SP110: variants seen among roughly 807,000 people sequenced by gnomAD.
The protein encoded by SP110 is interferon-induced protein 41, 30kD.
In SP110, 62 loss-of-function variants were observed where a neutral mutation model predicts 92.7. The observed-to-expected ratio is 0.67, with a 90% CI of 0.55 to 0.83. The LOEUF (loss-of-function observed/expected upper bound fraction) is 0.83, where lower values mean the gene tolerates loss of function less well. Ranked by LOEUF, SP110 falls within the 40% of genes least tolerant of loss-of-function variation. The pLI is 0.00. For synonymous variants in SP110, 273 were observed against 305.3 expected (o/e 0.89, Z 1.10); for missense variants, 793 against 863.9 (o/e 0.92, Z 1.03).
intron 15 of SP110, chr2:230,172,545 C>T (rs907561310): frequency 4.4e-5 from 23 of 524,792 alleles, no homozygotes; most frequent in East Asian, 1.0e-4. Flanking sequence ...TGTGACAAGC[C>T]GTGCTTCCTG....
chr2:230,196,947 G>A (rs981027761), intron 10 of SP110, among the ~76,000 whole-genome samples: 1 of 152,108 alleles, frequency 6.6e-6, no homozygotes, highest in Non-Finnish European at 1.5e-5. Context: ...TATCGTTGTT[G>A]GACATTTGGG....
At position 230,206,273 on chromosome 2, in the gene SP110, C is replaced by T. The variant is rs577632136; in HGVS notation, c.898+1718G>A. On this transcript the variant is annotated intron_variant, in intron 8 of 18. Coordinates refer to ENST00000258381, the MANE Select transcript of SP110 (RefSeq NM_080424.4). The stretch of plus-strand genomic sequence containing the variant: ...ACACAACTGGCTCCTGCCTCCATCA[C>T]CAAAATTTTTCTTAAATTTTCCAGT... Among the ~76,000 whole-genome samples the T allele has an allele frequency of 1.4e-4, 21 of 152,150 alleles. No homozygotes were observed. In the South Asian group the frequency reaches 4.1e-3, roughly 30 times the overall value.
intron 7 of SP110, among the ~76,000 whole-genome samples, chr2:230,209,512 A>T (rs1487988602): frequency 6.6e-6 from 1 of 152,198 alleles, no homozygotes; most frequent in African/African-American, 2.4e-5. Context: ...GGATGGGGCC[A>T]GTAGGCAGCA....
chr2:230,194,653 G>A (rs2042781434), intron 10 of SP110, among the ~76,000 whole-genome samples: 1 of 152,166 alleles, frequency 6.6e-6, no homozygotes, highest in Non-Finnish European at 1.5e-5. Context: ...GTTGACTGAG[G>A]TAGTTCTGAA....
At chr2:230,216,953 A>G (rs1313213611) in intron 1 of SP110, 25 bp from the exon 2 acceptor site, 3 of 1,609,384 alleles carry the variant, frequency 1.9e-6, no homozygotes, top group Admixed American at 1.7e-5. Context: ...ATGATAAAAA[A>G]TAGAAGCAAA....
intron 8 of SP110, chr2:230,202,977 A>C (rs911527647): frequency 5.1e-5 from 27 of 528,756 alleles, no homozygotes; most frequent in South Asian, 2.3e-4. Flanking sequence ...CAACTAGATA[A>C]AGCTGGGGAA....
At position 230,206,210 on chromosome 2, in the gene SP110, T is replaced by G. The variant is rs181540206; in HGVS notation, c.898+1781A>C. Among the ~76,000 whole-genome samples, 19 of 152,236 alleles carry G rather than the reference T, an allele frequency of 1.2e-4. No individual in the cohort carries two copies. In the East Asian group the frequency reaches 3.3e-3, roughly 26 times the overall value. On this transcript the variant is annotated intron_variant, in intron 8 of 18. Transcript: ENST00000258381. ...CTGTTTCCTTTTACAGCTAGAGTTG[T>G]CTACATATGTTATCACCTCCCATTC...
intron 6 of SP110, among the ~76,000 whole-genome samples, chr2:230,210,763 C>T (rs1057160719): frequency 6.6e-6 from 1 of 152,208 alleles, no homozygotes; most frequent in Non-Finnish European, 1.5e-5. Flanking sequence ...TGAGATTGGT[C>T]TCAAATGCTG....
At chr2:230,181,016 T>C (rs2042104860) in intron 12 of SP110, among the ~76,000 whole-genome samples, 1 of 152,196 alleles carries the variant, frequency 6.6e-6, no homozygotes, top group Non-Finnish European at 1.5e-5. Flanking sequence ...TAGATCAAAG[T>C]GCTTTGCCAA....
At chr2:230,171,945 C>T (rs746633383) in intron 16 of SP110, 121 bp downstream of exon 16, 28 of 842,514 alleles carry the variant, frequency 3.3e-5, no homozygotes, top group African/African-American at 1.5e-4. Context: ...GGCATTAAAT[C>T]GTCATCCTTT....
In SP110 at chr2:230,215,005, T is replaced by C. The variant is rs1311849128; in HGVS notation, c.261A>G (p.Gln87=). The part of the protein sequence containing the change: ...NLSLLVTLFS[Q]INLREYPNLV... ...GATTGGGATATTCACGCAGGTTAAT[T>C]TGACTGAACAATGTCACCAGAAGAG... Residue 87 remains glutamine, a synonymous_variant, in exon 3 of 19, where the codon CAA becomes CAG. Transcript: ENST00000258381. 7 of 1,614,056 alleles carry C rather than the reference T, an allele frequency of 4.3e-6. No individual in the cohort carries two copies. The highest frequency in any genetic ancestry group is 5.9e-6 in the Non-Finnish European group (7 of 1,179,884).
At position 230,211,407 on chromosome 2, in the gene SP110, G is replaced by A. The variant is rs1318210454; in HGVS notation, c.751+63C>T. The A allele has an allele frequency of 9.5e-7, 1 of 1,057,006 alleles. No homozygotes were observed. Among genetic ancestry groups the A allele is most frequent in the Non-Finnish European group, 1.5e-6 (1 of 672,062 alleles). 65.5% of individuals were successfully genotyped at this position (1,057,006 alleles called of 1,614,324 possible). ...GCCCCCTCTCTAGAAGATCCGAATGGCTTTTCCTCTTAGTAAACACAGAAA... is the reference window on the plus strand; with the variant it reads ...GCCCCCTCTCTAGAAGATCCGAATGACTTTTCCTCTTAGTAAACACAGAAA... On this transcript the variant is annotated intron_variant, in intron 6 of 18. Coordinates refer to ENST00000258381, the MANE Select transcript of SP110 (RefSeq NM_080424.4). This position sits in a 1 kb window ranked among gnomAD's most constrained non-coding sequence, Gnocchi z 4.2.
At position 230,170,720 on chromosome 2, in the gene SP110, C is replaced by T; in HGVS notation, c.1929G>A (p.Leu643=). The T allele has an allele frequency of 6.2e-7, 1 of 1,614,094 alleles. No homozygotes were observed. The highest frequency in any genetic ancestry group is 8.5e-7 in the Non-Finnish European group (1 of 1,179,992). Residue 643 remains leucine (L), a synonymous_variant, in exon 18 of 19, where the codon TTG becomes TTA. Transcript: ENST00000258381. ...TAATCAGCCTTTCCTTAACCAGGTC[C>T]AACCACATTGCTTCCTGAAAGGGCT... ...YGEPFQEAMW[L]DLVKERLITE... is the part of the protein sequence containing the mutation.
upstream of SP110, among the ~76,000 whole-genome samples, chr2:230,222,986 A>G (rs2045945462): frequency 1.3e-5 from 2 of 150,570 alleles, no homozygotes; most frequent in Non-Finnish European, 3.0e-5. Context: ...TATGCTAGCC[A>G]CCAAGATCCT....
chr2:230,207,032 G>T (rs1310032099), intron 8 of SP110, among the ~76,000 whole-genome samples: 14 of 152,112 alleles, frequency 9.2e-5, no homozygotes. Context: ...GGTTGTAAAA[G>T]CCAGCAACAC....
chr2:230,165,934 C>T lies in SP110; in HGVS notation c.*3190G>A, dbSNP rs1459534592. 6.8e-6 allele frequency among the ~76,000 whole-genome samples: 1 copy of T among 146,046 alleles called. No homozygotes were observed. The highest frequency in any genetic ancestry group is 2.0e-4 in the East Asian group (1 of 5,126). ...TTTGAAACAGAGTCTTACTCTGTTG[C>T]CCAGGCTGGAGTGCAGTGGTGGGAT... On this transcript the variant is annotated 3_prime_UTR_variant, in exon 19 of 19. Coordinates refer to ENST00000258381, the MANE Select transcript of SP110 (RefSeq NM_080424.4).
intron 1 of SP110, among the ~76,000 whole-genome samples, chr2:230,219,343 G>A (rs1470532989): frequency 6.6e-6 from 1 of 152,220 alleles, no homozygotes; most frequent in African/African-American, 2.4e-5. Context: ...CACTGTGAGT[G>A]GGAAGGTCAA....
chr2:230,198,601 T>G (rs1300910613), intron 10 of SP110, among the ~76,000 whole-genome samples: 1 of 152,122 alleles, frequency 6.6e-6, no homozygotes, highest in Non-Finnish European at 1.5e-5. Context: ...ATAGAATTTT[T>G]TTTTCTTTTT....
In SP110 at chr2:230,202,701, T is replaced by C. The variant is rs1479866756; in HGVS notation, c.926A>G (p.Gln309Arg). Reference protein sequence around the residue: ...GGTASSRHGIQKKLKRVDQVP... With the variant: ...GGTASSRHGIRKKLKRVDQVP... The stretch of plus-strand genomic sequence containing the variant: ...CTGATCCACCCTTTTGAGCTTCTTT[T>C]GGATTCCGTGTCTAGATGAGGCTGT... The change falls in exon 9 of 19, where the codon CAA becomes CGA. Residue 309 changes from glutamine (Q) to arginine (R), a missense_variant. Physicochemically the swap from Gln to Arg is conservative, Grantham distance 43. Transcript: ENST00000258381. 2 of 1,614,080 alleles carry C rather than the reference T, an allele frequency of 1.2e-6. No individual in the cohort carries two copies. The highest frequency in any genetic ancestry group is 2.2e-5 in the East Asian group (1 of 44,896).
Sources: gnomAD v4.1 joint callset for allele counts (sites outside exome capture counted in the v4.1 genomes callset) on GRCh38, gnomAD v4.1.1 for gene constraint, Gnocchi (gnomAD v3.1) non-coding constraint, MANE v1.5 for transcripts, NCBI Gene and HGNC (gene_info 2026-07-23, HGNC 2026-07-21) for gene names.